Variants in PRSS23 observed in about 807,000 individuals in gnomAD.
The protein encoded by PRSS23 is protease, serine 23.
A neutral mutation model predicts 34.7 loss-of-function variants in PRSS23; 25 were observed. That is an observed-to-expected ratio of 0.72 (90% confidence interval 0.53 to 1.01). The LOEUF is 1.01. PRSS23 is among the 50% of genes least tolerant of loss of function. The probability of loss-of-function intolerance (pLI) is 0.00; values close to 1 mark genes in which losing one functional copy is unlikely to be tolerated. For missense variants in PRSS23, 445 were observed against 475.6 expected (o/e 0.94, Z 0.60); for synonymous variants, 176 against 186.6 (o/e 0.94, Z 0.46).
chr11:86,857,479 T>G (rs1193770477), intron 2 of PRSS23: 1 of 402,714 alleles, frequency 2.5e-6, no homozygotes, highest in Non-Finnish European at 4.8e-6. Context: ...GAAAAAAAAT[T>G]ATAGATTTCC....
chr11:86,806,133 A>G (rs961323860), intron 1 of PRSS23, among the ~76,000 whole-genome samples: 1 of 152,230 alleles, frequency 6.6e-6, no homozygotes, highest in Admixed American at 6.5e-5. Flanking sequence ...TATAAAATCC[A>G]AACTTCTTTG....
chr11:86,900,781 CTTTTTTT>C, intron 2 of PRSS23, among the ~76,000 whole-genome samples: 1 of 94,018 alleles, frequency 1.1e-5, no homozygotes, highest in East Asian at 3.0e-4. Context: ...ATCTCTCTCT[CTTTTTTT>C]TTTTTTTTTT....
rs1418532116 is a variant in PRSS23 at position 86,804,909 on chromosome 11, A to G, written c.-13-2722A>G. ...AGCTGATGATAATACATACTATAAT[A>G]CTACCTCATCTCCTACTCTTTCTCC... On this transcript the variant is annotated intron_variant, in intron 1 of 1. Transcript: ENST00000280258. Among the ~76,000 whole-genome samples, 7 of 152,346 alleles carry G rather than the reference A, an allele frequency of 4.6e-5. No individual in the cohort carries two copies. The East Asian group carries it at 1.3e-3, about 29-fold the overall frequency.
chr11:86,799,950 A>C (rs1338323079), upstream of PRSS23, among the ~76,000 whole-genome samples: 1 of 152,182 alleles, frequency 6.6e-6, no homozygotes, highest in African/African-American at 2.4e-5. Context: ...TGTTCTTTGG[A>C]GGCACCGGAG....
At chr11:86,849,228 C>T (rs1191871458) in intron 2 of PRSS23, among the ~76,000 whole-genome samples, 1 of 152,204 alleles carries the variant, frequency 6.6e-6, no homozygotes, top group East Asian at 1.9e-4. Flanking sequence ...CCATTACTAT[C>T]TGAGGAATCT....
intron 2 of PRSS23, among the ~76,000 whole-genome samples, chr11:86,940,376 G>A (rs527823100): frequency 5.4e-4 from 82 of 152,210 alleles, no homozygotes; most frequent in African/African-American, 1.9e-3. Context: ...GCAAAGATTC[G>A]GCTCATTGAC....
At chr11:86,869,061 C>T (rs1388810111) in intron 2 of PRSS23, among the ~76,000 whole-genome samples, 3 of 152,134 alleles carry the variant, frequency 2.0e-5, no homozygotes, top group Admixed American at 6.5e-5. Flanking sequence ...GATCTGCCTG[C>T]CTCAGCCTCC....
At chr11:86,845,406 T>A (rs1948479184) in intron 2 of PRSS23, among the ~76,000 whole-genome samples, 1 of 152,230 alleles carries the variant, frequency 6.6e-6, no homozygotes, top group East Asian at 1.9e-4. Context: ...GAATGTATCT[T>A]AAATTCACTT....
At chr11:86,927,669 ATCT>A (rs1019877439) in intron 2 of PRSS23, among the ~76,000 whole-genome samples, 2 of 152,100 alleles carry the variant, frequency 1.3e-5, no homozygotes, top group African/African-American at 4.8e-5. Context: ...TTTTAGTGAC[ATCT>A]TCTTTTCCTT....
rs533307311 is a variant in PRSS23 at position 86,844,263 on chromosome 11, G to C, written c.206+20670G>C. Among the ~76,000 whole-genome samples, 9 of 152,288 alleles carry C rather than the reference G, an allele frequency of 5.9e-5. No homozygotes were observed. In the East Asian group the frequency reaches 1.2e-3, roughly 20 times the overall value. ...AACATCACACACCGGGGCCTGTCAG[G>C]GGGTAGGCAGCTGGGAGAGGGATAG... is the stretch of plus-strand genomic sequence containing the variant. On this transcript the variant is annotated intron_variant, in intron 2 of 2. Transcript: ENST00000533902.
intron 2 of PRSS23, chr11:86,857,938 A>T (rs1948584079): frequency 2.3e-6 from 1 of 436,382 alleles, no homozygotes; most frequent in Non-Finnish European, 4.6e-6. Flanking sequence ...CCCAGTGAGG[A>T]CGGGCTGTCT....
At chr11:86,799,368 C>T (rs142992782), upstream of PRSS23, among the ~76,000 whole-genome samples, 15 of 152,292 alleles carry the variant, frequency 9.8e-5, 1 homozygote, top group East Asian at 2.9e-3. Flanking sequence ...GCACTTTAGA[C>T]CTTCCCTTTC....
chr11:86,949,982 T>C (rs182907379), intron 2 of PRSS23: 14 of 152,470 alleles, frequency 9.2e-5, no homozygotes, highest in Admixed American at 8.5e-4. Flanking sequence ...GATAACATTC[T>C]TATGCTTTAA....
In PRSS23 at chr11:86,903,531, C is replaced by G. The variant is rs948637961; in HGVS notation, c.207-47685C>G. Reference sequence around the variant, plus strand: ...GGAGTCTCGCTCTGTTGCCCAGGCTCGAGTGCAGTGGTGTGATCTCGGCTC... The same window carrying G: ...GGAGTCTCGCTCTGTTGCCCAGGCTGGAGTGCAGTGGTGTGATCTCGGCTC... On this transcript the variant is annotated intron_variant, in intron 2 of 2. Transcript: ENST00000533902. 8.3e-4 allele frequency among the ~76,000 whole-genome samples: 119 copies of G among 144,216 alleles called. 2 individuals are homozygous for G. The highest frequency in any genetic ancestry group is 2.9e-3 in the African/African-American group (113 of 38,972). The allele number at this position is 144,216 out of a possible 152,430, so 94.6% of individuals were successfully genotyped here. A position where few individuals can be genotyped will look rare whatever the true frequency, so the allele number is the denominator to read the frequency against.
chr11:86,888,648 G>C (rs1948821445), intron 2 of PRSS23, among the ~76,000 whole-genome samples: 1 of 152,180 alleles, frequency 6.6e-6, no homozygotes, highest in Non-Finnish European at 1.5e-5. Context: ...TTGAGAGATT[G>C]CATGATCATT....
intron 2 of PRSS23, among the ~76,000 whole-genome samples, chr11:86,836,107 G>C (rs577552499): frequency 6.6e-6 from 1 of 152,086 alleles, no homozygotes; most frequent in African/African-American, 2.4e-5. Flanking sequence ...TGCTTCCTCT[G>C]GTATTTGAGA....
Position 86,889,029 on chromosome 11 carries a change from C to T in PRSS23, c.207-62187C>T, listed in dbSNP as rs183106858. Among the ~76,000 whole-genome samples, 3 of 152,308 alleles carry T rather than the reference C, an allele frequency of 2.0e-5. No homozygotes were observed. The East Asian group carries it at 5.8e-4, about 29-fold the overall frequency. On this transcript the variant is annotated intron_variant, in intron 2 of 2. Transcript: ENST00000533902. ...CTGATCACTCATGGTGGGGATGTGC[C>T]TGTTCCTAATCCTTGGGAGGGGCAG...
chr11:86,823,076 T>C (rs1948265098), intron 1 of PRSS23, among the ~76,000 whole-genome samples: 1 of 152,182 alleles, frequency 6.6e-6, no homozygotes, highest in South Asian at 2.1e-4. Context: ...CCTGAAGGTT[T>C]GGGAGGCCCC....
intron 2 of PRSS23, among the ~76,000 whole-genome samples, chr11:86,906,937 C>G (rs1381651285): frequency 6.6e-5 from 10 of 151,712 alleles, no homozygotes; most frequent in Non-Finnish European, 1.2e-4. Flanking sequence ...TCCATTTTAC[C>G]CGGTGATAGA....
Sources: allele counts gnomAD v4.1 joint callset (sites outside exome capture counted in the v4.1 genomes callset), GRCh38; gene constraint gnomAD v4.1.1; transcripts MANE v1.5; gene names NCBI Gene and HGNC (gene_info 2026-07-23, HGNC 2026-07-21).